The following CRTAC1 variants were observed in gnomAD, a reference collection of about 807,000 sequenced individuals.
The protein encoded by CRTAC1 is acidic secreted protein in cartilage.
A neutral mutation model predicts 67.8 loss-of-function variants in CRTAC1; 37 were observed. The observed-to-expected ratio is 0.55, with a 90% CI of 0.42 to 0.72. The LOEUF is 0.72. Among genes scored for constraint, CRTAC1 ranks in the 30% least tolerant of loss-of-function variants. The probability of loss-of-function intolerance (pLI) is 0.00; values close to 1 mark genes in which losing one functional copy is unlikely to be tolerated. For synonymous variants in CRTAC1, 348 were observed against 371.0 expected, an observed-to-expected ratio of 0.94 and a Z score of 0.71; for missense variants, 780 against 931.6, an observed-to-expected ratio of 0.84 and a Z score of 2.12.
chr10:98,006,568 C>A (rs921294071), intron 2 of CRTAC1, among the ~76,000 whole-genome samples: 1 of 152,168 alleles, frequency 6.6e-6, no homozygotes, highest in Admixed American at 6.5e-5. Flanking sequence ...ACAAACCGAC[C>A]CGCAACAAGC....
intron 4 of CRTAC1, among the ~76,000 whole-genome samples, chr10:97,920,697 C>T (rs952053932): frequency 3.3e-5 from 5 of 152,362 alleles, no homozygotes; most frequent in Admixed American, 1.3e-4. Flanking sequence ...AACTGCTCCT[C>T]GTCCTCGGGC....
chr10:97,945,658 G>T (rs1220717670), intron 2 of CRTAC1, among the ~76,000 whole-genome samples: 1 of 152,134 alleles, frequency 6.6e-6, no homozygotes, highest in Non-Finnish European at 1.5e-5. Context: ...GAATAAATTG[G>T]GTAAGGTTGG....
chr10:97,872,449 C>A (rs1323033575), intron 14 of CRTAC1, among the ~76,000 whole-genome samples: 4 of 152,178 alleles, frequency 2.6e-5, no homozygotes, highest in Non-Finnish European at 5.9e-5. Context: ...TGACCTCTAC[C>A]TATCCTGGGA....
intron 8 of CRTAC1, among the ~76,000 whole-genome samples, chr10:97,897,378 C>T (rs190685252): frequency 6.8e-4 from 103 of 152,316 alleles, no homozygotes; most frequent in African/African-American, 2.3e-3. Context: ...GCTACCTCCT[C>T]CATGCCCTCT....
chr10:97,926,704 T>C (rs1364916555), intron 3 of CRTAC1, among the ~76,000 whole-genome samples: 2 of 152,122 alleles, frequency 1.3e-5, no homozygotes, highest in East Asian at 1.9e-4. Flanking sequence ...CAGGACAGGT[T>C]TTGCTATCAA....
Position 97,880,270 on chromosome 10 carries a change from C to T in CRTAC1, c.1798G>A (p.Glu600Lys), listed in dbSNP as rs546461482. The T allele has an allele frequency of 2.8e-5, 45 of 1,614,210 alleles. No individual in the cohort carries two copies. The highest frequency in any genetic ancestry group is 1.6e-4 in the Middle Eastern group (1 of 6,062). ...TCACCCACGCAGGCTGTGCCATCCT[C>T]GTTGGGCTCGTAGCCCCGACTGCAC... ...KKCSRGYEPN[E>K]DGTACVGTLG... The change falls in exon 14 of 15, where the codon GAG becomes AAG. Residue 600 changes from glutamate (E) to lysine (K), a missense_variant. Glu to Lys is a moderately conservative substitution (Grantham distance 56). Coordinates refer to ENST00000370597, the MANE Select transcript of CRTAC1 (RefSeq NM_018058.7).
In CRTAC1 at chr10:97,951,357, GT is replaced by G. The variant is rs374531380; in HGVS notation, c.225-14992del. Reference sequence around the variant, plus strand: ...GTTGCTATGGAATGTTAACTGATGAGTTAAACTCTTCATTTTGATTTGAAGA... The same window carrying G: ...GTTGCTATGGAATGTTAACTGATGAGTAAACTCTTCATTTTGATTTGAAGA... On this transcript the variant is annotated intron_variant, in intron 2 of 14. Transcript: ENST00000370597. Among the ~76,000 whole-genome samples the G allele has an allele frequency of 5.9e-5, 9 of 152,332 alleles. No individual in the cohort carries two copies. In the East Asian group the frequency reaches 1.7e-3, roughly 29 times the overall value.
intron 14 of CRTAC1, chr10:97,878,677 A>G (rs1055642433): frequency 4.6e-6 from 6 of 1,303,836 alleles, no homozygotes; most frequent in Non-Finnish European, 6.1e-6. Context: ...GAGACCAAGT[A>G]GCAAGGTTCT....
chr10:97,927,809 TA>T (rs1268602029), intron 3 of CRTAC1, among the ~76,000 whole-genome samples: 1 of 151,926 alleles, frequency 6.6e-6, no homozygotes, highest in Non-Finnish European at 1.5e-5. Context: ...GCAATCTGGG[TA>T]ATTAGGTGTG....
intron 13 of CRTAC1, 69 bp from the exon 14 acceptor site, chr10:97,880,461 C>T (rs2050198502): frequency 1.3e-6 from 2 of 1,572,492 alleles, no homozygotes; most frequent in African/African-American, 1.3e-5. Context: ...GCTCTGCCTG[C>T]CTATACACTG....
chr10:97,973,298 C>T (rs2051744509), intron 2 of CRTAC1, among the ~76,000 whole-genome samples: 1 of 152,214 alleles, frequency 6.6e-6, no homozygotes, highest in African/African-American at 2.4e-5. Context: ...TGTCTCCGTC[C>T]CACCCTAATT....
At chr10:97,998,201 G>T (rs972918577) in intron 2 of CRTAC1, among the ~76,000 whole-genome samples, 6 of 152,050 alleles carry the variant, frequency 3.9e-5, no homozygotes, top group Admixed American at 3.9e-4. Context: ...TCAAACTCCT[G>T]GGCTGAACTG....
chr10:98,002,774 T>TTG, intron 2 of CRTAC1, among the ~76,000 whole-genome samples: 1 of 100,330 alleles, frequency 1.0e-5, no homozygotes, highest in South Asian at 3.7e-4. Context: ...TTTTTTTTTT[T>TTG]TTTTTTTTTT....
intron 2 of CRTAC1, among the ~76,000 whole-genome samples, chr10:97,994,587 T>C (rs1842520405): frequency 6.6e-6 from 1 of 152,182 alleles, no homozygotes; most frequent in Non-Finnish European, 1.5e-5. Flanking sequence ...CCTCGTCTTC[T>C]CTCTGGATGT....
intron 2 of CRTAC1, among the ~76,000 whole-genome samples, chr10:97,954,111 A>C (rs2136635510): frequency 6.6e-6 from 1 of 152,240 alleles, no homozygotes; most frequent in Non-Finnish European, 1.5e-5. Flanking sequence ...GCAGAACCCC[A>C]GACCCCACAA....
intron 2 of CRTAC1, among the ~76,000 whole-genome samples, chr10:97,989,763 A>T (rs1192939436): frequency 6.6e-6 from 1 of 152,216 alleles, no homozygotes; most frequent in Non-Finnish European, 1.5e-5. Context: ...GAAAACCAAA[A>T]CTCAGAGAGG....
At chr10:97,886,493 C>A (rs2050287040) in intron 11 of CRTAC1, among the ~76,000 whole-genome samples, 1 of 152,240 alleles carries the variant, frequency 6.6e-6, no homozygotes, top group South Asian at 2.1e-4. Context: ...ACAGGGAAAT[C>A]CTCTCTTTCC....
intron 4 of CRTAC1, among the ~76,000 whole-genome samples, chr10:97,921,134 C>G (rs1344447301): frequency 6.6e-6 from 1 of 152,098 alleles, no homozygotes; most frequent in Non-Finnish European, 1.5e-5. Flanking sequence ...GCTGGCCCCA[C>G]CCCTGGAGTT....
intron 2 of CRTAC1, among the ~76,000 whole-genome samples, chr10:97,944,564 T>G (rs1326301521): frequency 6.6e-6 from 1 of 152,182 alleles, no homozygotes; most frequent in Non-Finnish European, 1.5e-5. Context: ...TTGTGGTAGA[T>G]GGTCTCTAAA....
Sources: allele counts gnomAD v4.1 joint callset (sites outside exome capture counted in the v4.1 genomes callset), GRCh38; gene constraint gnomAD v4.1.1; transcripts MANE v1.5; gene names NCBI Gene and HGNC (gene_info 2026-07-23, HGNC 2026-07-21).